Variants in RBFOX1 observed in about 807,000 individuals in gnomAD.
The protein encoded by RBFOX1 is RNA binding fox-1 homolog 1, also known as RNA binding protein fox-1 homolog 1.
RBFOX1 carries 8 observed loss-of-function variants against 57.7 expected under a neutral mutation model. The observed-to-expected ratio is 0.14, with a 90% CI of 0.08 to 0.25. RBFOX1 has a LOEUF of 0.25. RBFOX1 is among the 10% of genes least tolerant of loss of function. The probability of loss-of-function intolerance (pLI) is 1.00; values close to 1 mark genes in which losing one functional copy is unlikely to be tolerated. For synonymous variants in RBFOX1, 326 were observed against 222.4 expected, an observed-to-expected ratio of 1.47 and a Z score of -4.15; for missense variants, 611 against 548.5, an observed-to-expected ratio of 1.11 and a Z score of -1.14.
At chr16:5,599,039 C>T (rs993336523) in exon 3 of RBFOX1, 1 of 1,243,178 alleles carries the variant, frequency 8.0e-7, no homozygotes, top group African/African-American at 1.5e-5. Context: ...TGGTCTCCGT[C>T]ATCAATCACC....
At chr16:6,003,559 G>A (rs2060639552) in intron 4 of RBFOX1, among the ~76,000 whole-genome samples, 1 of 149,094 alleles carries the variant, frequency 6.7e-6, no homozygotes, top group Non-Finnish European at 1.5e-5. Context: ...CCACCCCTGC[G>A]GTACCTTTGT....
rs1275755210 is a variant in RBFOX1, at chr16:6,796,747, C to T, written c.-16+142097C>T. 7.2e-5 allele frequency among the ~76,000 whole-genome samples: 11 copies of T among 152,244 alleles called. No individual in the cohort carries two copies. In the South Asian group the frequency reaches 2.1e-3, roughly 29 times the overall value. ...GGGTACACATTTATGATCCTAAACG[C>T]CCCATGAAGATGGGCCTACATCTGC... On this transcript the variant is annotated intron_variant, in intron 3 of 15. Transcript: ENST00000550418.
chr16:6,522,629 G>T (rs1297417632), intron 2 of RBFOX1, among the ~76,000 whole-genome samples: 1 of 152,088 alleles, frequency 6.6e-6, no homozygotes, highest in Admixed American at 6.5e-5. Context: ...CCATAACTTG[G>T]GTTGGCATTC....
intron 3 of RBFOX1, among the ~76,000 whole-genome samples, chr16:6,835,659 C>G (rs1038156869): frequency 2.1e-5 from 3 of 144,158 alleles, no homozygotes; most frequent in Non-Finnish European, 4.5e-5. Context: ...GAGGCTGAGG[C>G]ATGAGAATAG....
At chr16:7,097,817 A>C (rs1223110507) in intron 4 of RBFOX1, among the ~76,000 whole-genome samples, 1 of 152,204 alleles carries the variant, frequency 6.6e-6, no homozygotes, top group African/African-American at 2.4e-5. Context: ...GAAAAATACG[A>C]AGTATATGGA....
intron 4 of RBFOX1, among the ~76,000 whole-genome samples, chr16:7,359,436 A>G (rs905481390): frequency 1.3e-5 from 2 of 152,198 alleles, no homozygotes; most frequent in Non-Finnish European, 2.9e-5. Context: ...AGGGAAAATA[A>G]TTTACCTTCA....
At chr16:7,613,923 C>G (rs927179273) in intron 10 of RBFOX1, among the ~76,000 whole-genome samples, 2 of 152,144 alleles carry the variant, frequency 1.3e-5, no homozygotes, top group African/African-American at 4.8e-5. Flanking sequence ...TGGCATTGGG[C>G]TCAGGGTGAT....
At chr16:6,394,314 T>C (rs865789564) in intron 2 of RBFOX1, among the ~76,000 whole-genome samples, 3 of 152,216 alleles carry the variant, frequency 2.0e-5, no homozygotes, top group Non-Finnish European at 4.4e-5. Context: ...TCTGAAGTGC[T>C]GAGATCCACA....
At chr16:7,077,174 G>A (rs2058440287) in intron 4 of RBFOX1, among the ~76,000 whole-genome samples, 1 of 152,160 alleles carries the variant, frequency 6.6e-6, no homozygotes, top group African/African-American at 2.4e-5. Flanking sequence ...TGAATAAGCG[G>A]TTTCCCAGCT....
At chr16:7,219,717 G>A (rs915415155) in intron 4 of RBFOX1, among the ~76,000 whole-genome samples, 2 of 152,162 alleles carry the variant, frequency 1.3e-5, no homozygotes, top group Admixed American at 1.3e-4. Flanking sequence ...ACAGGAAGCA[G>A]GGAATCTTTA....
intron 1 of RBFOX1, among the ~76,000 whole-genome samples, chr16:6,076,839 A>G (rs536504717): frequency 6.6e-6 from 1 of 152,304 alleles, no homozygotes; most frequent in East Asian, 1.9e-4. Flanking sequence ...ATGAGGCCAA[A>G]AACGGGAGCA....
intron 4 of RBFOX1, among the ~76,000 whole-genome samples, chr16:6,003,163 C>T (rs980228899): frequency 6.6e-6 from 1 of 151,914 alleles, no homozygotes; most frequent in Admixed American, 6.6e-5. Flanking sequence ...GTTGTAGTCC[C>T]AGGTACTCCG....
intron 3 of RBFOX1, among the ~76,000 whole-genome samples, chr16:6,859,943 C>G (rs1492374): frequency 0.51 from 77,601 of 151,948 alleles, 21,594 homozygotes; most frequent in African/African-American, 0.73. Flanking sequence ...TGAATTGAGA[C>G]AGCTGAATAG....
chr16:7,151,308 A>T (rs568506955), intron 4 of RBFOX1, among the ~76,000 whole-genome samples: 27 of 152,344 alleles, frequency 1.8e-4, no homozygotes, highest in African/African-American at 6.5e-4. Context: ...CAGAAACCAA[A>T]TTCCAACGTA....
intron 2 of RBFOX1, among the ~76,000 whole-genome samples, chr16:6,647,375 G>A (rs1419981576): frequency 6.6e-6 from 1 of 152,138 alleles, no homozygotes; most frequent in Non-Finnish European, 1.5e-5. Flanking sequence ...CCTCCAAGTA[G>A]CTGGGATTAT....
chr16:6,561,912 G>A (rs919908730), intron 2 of RBFOX1, among the ~76,000 whole-genome samples: 1 of 152,148 alleles, frequency 6.6e-6, no homozygotes, highest in Non-Finnish European at 1.5e-5. Context: ...TAATGAGTAT[G>A]TATCACTCTG....
At chr16:5,460,425 G>T (rs186089657) in intron 1 of RBFOX1, among the ~76,000 whole-genome samples, 105 of 152,292 alleles carry the variant, frequency 6.9e-4, no homozygotes, top group African/African-American at 2.4e-3. Context: ...GGACTTGTAA[G>T]TTTCCTTTGA....
intron 2 of RBFOX1, among the ~76,000 whole-genome samples, chr16:6,524,289 TCCAGTTC>T (rs2096548911): frequency 1.3e-5 from 2 of 152,212 alleles, no homozygotes; most frequent in Non-Finnish European, 2.9e-5. Context: ...CACAATGATC[TCCAGTTC>T]ATTCTGTGTT....
intron 2 of RBFOX1, among the ~76,000 whole-genome samples, chr16:6,379,891 A>G (rs1186863062): frequency 6.6e-6 from 1 of 152,092 alleles, no homozygotes; most frequent in African/African-American, 2.4e-5. Flanking sequence ...GAGGCATTTG[A>G]GCATGCGTCA....
Sources: gnomAD v4.1 joint callset for allele counts (sites outside exome capture counted in the v4.1 genomes callset) on GRCh38, gnomAD v4.1.1 for gene constraint, MANE v1.5 for transcripts, NCBI Gene and HGNC (gene_info 2026-07-23, HGNC 2026-07-21) for gene names.